TTC7A: variants seen among roughly 807,000 people sequenced by gnomAD.
TTC7A encodes the protein tetratricopeptide repeat protein 7A.
Under a neutral mutation model 103.7 loss-of-function variants are expected in TTC7A, and 110 were observed. That is an observed-to-expected ratio of 1.06 (90% CI 0.91 to 1.24). The LOEUF (loss-of-function observed/expected upper bound fraction) is 1.24, where lower values mean the gene tolerates loss of function less well. TTC7A is among the 50% of genes most tolerant of loss of function. The pLI, the probability that TTC7A is intolerant of heterozygous loss-of-function variation, is 0.00. For synonymous variants in TTC7A, 521 were observed against 467.9 expected (o/e 1.11, Z -1.47); for missense variants, 1,340 against 1,116.3 (o/e 1.20, Z -2.86).
intron 11 of TTC7A, among the ~76,000 whole-genome samples, chr2:47,012,236 G>A (rs182970934): frequency 6.6e-6 from 1 of 152,252 alleles, no homozygotes; most frequent in Non-Finnish European, 1.5e-5. Flanking sequence ...CCGACTGGGG[G>A]CCCACTTCTG....
intron 1 of TTC7A, among the ~76,000 whole-genome samples, chr2:46,948,184 G>T (rs1383485184): frequency 6.6e-6 from 1 of 152,192 alleles, no homozygotes; most frequent in African/African-American, 2.4e-5. Flanking sequence ...GGACCAGCTG[G>T]GGGACGGGGC....
Position 46,948,983 on chromosome 2 carries a change from A to G in TTC7A, c.185-1380A>G, listed in dbSNP as rs1378445203. ...GCTGTGGGGTAGTTGAGAGGATCCA[A>G]TTCACTCAACAGGTATTTACTCAGT... On this transcript the variant is annotated intron_variant, in intron 1 of 19. Coordinates refer to ENST00000319190, the MANE Select transcript of TTC7A (RefSeq NM_020458.4). Among the ~76,000 whole-genome samples the G allele has an allele frequency of 2.6e-5, 4 of 152,184 alleles. No individual in the cohort carries two copies. The East Asian group carries it at 5.8e-4, about 22-fold the overall frequency.
chr2:47,047,024 C>A (rs1363261931), intron 16 of TTC7A: 14 of 453,798 alleles, frequency 3.1e-5, no homozygotes, highest in Non-Finnish European at 5.4e-5. Flanking sequence ...TGGCCTGGGA[C>A]CTGGGTCTTT....
rs1426732961 is a variant in TTC7A, at chr2:46,941,308, G to A, written c.-234G>A. 2 of 192,504 alleles carry A rather than the reference G, an allele frequency of 1.0e-5. No individual in the cohort carries two copies. Among genetic ancestry groups the A allele is most frequent in the African/African-American group, 4.7e-5 (2 of 42,324 alleles). 11.9% of individuals were successfully genotyped at this position (192,504 alleles called of 1,614,324 possible). On this transcript the variant is annotated 5_prime_UTR_variant, in exon 1 of 20. Transcript: ENST00000319190. This position sits in a 1 kb window ranked among gnomAD's most constrained non-coding sequence, Gnocchi z 4.2. ...GGAGGTTGCTCCTGTACGCGTACGG[G>A]CCGCTCGGCCGGAGCCGCAGCCCGG...
At chr2:46,991,182 C>T (rs1197174330) in intron 5 of TTC7A, among the ~76,000 whole-genome samples, 1 of 151,996 alleles carries the variant, frequency 6.6e-6, no homozygotes, top group Admixed American at 6.5e-5. Flanking sequence ...TCCCAAAGTG[C>T]TGGGATTATA....
Position 47,050,061 on chromosome 2 carries a change from C to T in TTC7A, c.2017+15C>T. ...TGCAGACTCTGGTAAGAACGAGCTC[C>T]TTGGGCCACTGTGTGCATGGACCCA... On this transcript the variant is annotated intron_variant, in intron 17 of 19. Coordinates refer to ENST00000319190, the MANE Select transcript of TTC7A (RefSeq NM_020458.4). 6.2e-6 allele frequency: 10 copies of T among 1,603,670 alleles called. No homozygotes were observed. Among genetic ancestry groups the T allele is most frequent in the Non-Finnish European group, 8.5e-6 (10 of 1,170,770 alleles).
chr2:47,064,292 C>T (rs1684018186), intron 19 of TTC7A, among the ~76,000 whole-genome samples: 1 of 152,216 alleles, frequency 6.6e-6, no homozygotes, highest in Non-Finnish European at 1.5e-5. Context: ...GTGCTCTCTG[C>T]AGTGGAAATG....
intron 3 of TTC7A, among the ~76,000 whole-genome samples, chr2:46,962,753 A>C (rs1021891884): frequency 2.4e-4 from 37 of 152,176 alleles, no homozygotes; most frequent in African/African-American, 8.2e-4. Flanking sequence ...CCTTTTGGCC[A>C]CCAGAAAAGG....
At chr2:47,062,283 C>A (rs181495381) in intron 19 of TTC7A, among the ~76,000 whole-genome samples, 2 of 152,188 alleles carry the variant, frequency 1.3e-5, no homozygotes, top group African/African-American at 4.8e-5. Context: ...AAAGGAAATA[C>A]AAAAGAAATT....
rs906369319 is a variant in TTC7A at position 46,949,354 on chromosome 2, T to C, written c.185-1009T>C. Among the ~76,000 whole-genome samples, 16 of 152,172 alleles carry C rather than the reference T, an allele frequency of 1.1e-4. 1 individual carries two copies. Among genetic ancestry groups the C allele is most frequent in the Non-Finnish European group, 2.1e-4 (14 of 68,032 alleles). ...GAATTCAGGCAGTTCTGCCTCAGCT[T>C]CCCGAGTAGCTGGGATTACAGGTGC... On this transcript the variant is annotated intron_variant, in intron 1 of 19. Coordinates refer to ENST00000319190, the MANE Select transcript of TTC7A (RefSeq NM_020458.4).
intron 5 of TTC7A, among the ~76,000 whole-genome samples, chr2:46,981,576 A>G (rs566613753): frequency 6.6e-6 from 1 of 152,324 alleles, no homozygotes; most frequent in East Asian, 1.9e-4. Flanking sequence ...GAAACAATGG[A>G]TTGAAGACCT....
chr2:46,919,739 T>C (rs756310225), intron 2 of TTC7A, among the ~76,000 whole-genome samples: 3 of 152,234 alleles, frequency 2.0e-5, no homozygotes, highest in Non-Finnish European at 4.4e-5. Flanking sequence ...GTGTGCGTTC[T>C]GCACAAGTAG....
chr2:47,003,142 G>A (rs943851181), intron 8 of TTC7A, among the ~76,000 whole-genome samples: 3 of 152,160 alleles, frequency 2.0e-5, no homozygotes, highest in Non-Finnish European at 2.9e-5. Context: ...ACAGGGGGAG[G>A]TTTCCACTCC....
chr2:47,058,543 AAT>A (rs1683507982), intron 18 of TTC7A, among the ~76,000 whole-genome samples: 2 of 152,320 alleles, frequency 1.3e-5, no homozygotes, highest in African/African-American at 4.8e-5. Flanking sequence ...CCCCAGACAT[AAT>A]CTGAACTAGG....
intron 3 of TTC7A, chr2:46,958,381 C>A (rs1672072850): frequency 1.3e-6 from 1 of 758,328 alleles, no homozygotes; most frequent in Non-Finnish European, 2.0e-6. Context: ...GAAACCCCTT[C>A]AGCCATGGAC....
At chr2:47,017,719 T>G (rs979876284) in intron 11 of TTC7A, among the ~76,000 whole-genome samples, 2 of 151,718 alleles carry the variant, frequency 1.3e-5, no homozygotes, top group Admixed American at 6.6e-5. Flanking sequence ...TCATGTAGAG[T>G]CACTCCTCTG....
chr2:47,006,038 A>G lies in TTC7A; in HGVS notation c.1182A>G (p.Gly394=). The change falls in exon 9 of 20, where the codon GGA becomes GGG. Residue 394 remains glycine, a synonymous_variant. Transcript: ENST00000319190. The part of the protein sequence containing the change: ...DLLSITLGRR[G]QYVMLSECLE... The stretch of plus-strand genomic sequence containing the variant: ...TGAGCATCACGTTGGGCAGAAGGGG[A>G]CAGTACGTCATGCTCTCGGAGGTAC... 6.2e-7 allele frequency: 1 copy of G among 1,613,814 alleles called. No homozygotes were observed. Among genetic ancestry groups the G allele is most frequent in the Non-Finnish European group, 8.5e-7 (1 of 1,179,976 alleles).
intron 2 of TTC7A, chr2:46,951,619 C>T (rs1472967064): frequency 2.2e-6 from 1 of 455,164 alleles, no homozygotes; most frequent in Non-Finnish European, 4.4e-6. Flanking sequence ...CTGTGTTACT[C>T]AGGCTGGTCT....
At chr2:46,991,136 G>A (rs950906504) in intron 5 of TTC7A, among the ~76,000 whole-genome samples, 9 of 151,886 alleles carry the variant, frequency 5.9e-5, no homozygotes, top group African/African-American at 1.9e-4. Flanking sequence ...GGCTGGTCTT[G>A]AACTACTGAC....
Sources: gnomAD v4.1 joint callset for allele counts (sites outside exome capture counted in the v4.1 genomes callset) on GRCh38, gnomAD v4.1.1 for gene constraint, Gnocchi (gnomAD v3.1) non-coding constraint, MANE v1.5 for transcripts, NCBI Gene and HGNC (gene_info 2026-07-23, HGNC 2026-07-21) for gene names.